METTL22: variants seen among roughly 807,000 people sequenced by gnomAD.
METTL22 encodes the protein methyltransferase-like protein 22.
A neutral mutation model predicts 48.4 loss-of-function variants in METTL22; 51 were observed. The ratio of observed to expected loss-of-function variants is 1.05; its 90% CI spans 0.84 to 1.33. The LOEUF (loss-of-function observed/expected upper bound fraction) is 1.33, where lower values mean the gene tolerates loss of function less well. Among genes scored for constraint, METTL22 ranks in the 40% most tolerant of loss-of-function variants. METTL22 has a pLI of 0.00. For missense variants in METTL22, 678 were observed against 526.9 expected (o/e 1.29, Z -2.81); for synonymous variants, 255 against 214.1 (o/e 1.19, Z -1.67).
intron 8 of METTL22, 37 bp from the exon 9 acceptor site, chr16:8,642,426 T>C: frequency 6.3e-7 from 1 of 1,585,132 alleles, no homozygotes; most frequent in African/African-American, 1.3e-5. Flanking sequence ...AATATTTGCG[T>C]GTTTTCCTCT....
In METTL22 at chr16:8,646,923, C is replaced by T. The variant is rs2141826162; in HGVS notation, c.*780C>T. 1 of 352,008 alleles carries T rather than the reference C, an allele frequency of 2.8e-6. No homozygotes were observed. The highest frequency in any genetic ancestry group is 3.8e-5 in the Admixed American group (1 of 26,228). The allele number at this position is 352,008 out of a possible 1,614,324, so 21.8% of individuals were successfully genotyped here. On this transcript the variant is annotated 3_prime_UTR_variant, in exon 11 of 11. Coordinates refer to ENST00000381920, the MANE Select transcript of METTL22 (RefSeq NM_024109.4). ...TCCATCTGTGCCTCTCTCCTCCCAT[C>T]TCCACCCCTTCCTGTCATCCTCTAT...
chr16:8,628,116 C>G (rs1445377161), intron 2 of METTL22, among the ~76,000 whole-genome samples: 1 of 152,190 alleles, frequency 6.6e-6, no homozygotes, highest in Non-Finnish European at 1.5e-5. Context: ...CTGTGTCACA[C>G]AGAATGCAGT....
chr16:8,661,180 G>T, the METTL22 span, among the ~76,000 whole-genome samples: 5 of 151,846 alleles, frequency 3.3e-5, no homozygotes, highest in Non-Finnish European at 7.4e-5. Flanking sequence ...GTGCCAGAAA[G>T]GAATCCAAGG....
intron 3 of METTL22, among the ~76,000 whole-genome samples, chr16:8,629,923 A>G (rs542403677): frequency 6.6e-6 from 1 of 152,170 alleles, no homozygotes; most frequent in Admixed American, 6.5e-5. Context: ...GGGTGCATGG[A>G]TGAGGAAGTG....
chr16:8,629,259 C>A, intron 3 of METTL22, 149 bp downstream of exon 3: 1 of 1,016,688 alleles, frequency 9.8e-7, no homozygotes, highest in Non-Finnish European at 1.4e-6. Context: ...GGAAGCTCTC[C>A]ACAACCCCGT....
intron 5 of METTL22, among the ~76,000 whole-genome samples, chr16:8,638,782 A>T (rs1048789490): frequency 1.3e-5 from 2 of 152,170 alleles, no homozygotes; most frequent in African/African-American, 4.8e-5. Context: ...GGCCATAAAC[A>T]TGAAAACGAT....
chr16:8,651,948 G>A (rs571181223), downstream of METTL22, among the ~76,000 whole-genome samples: 11 of 152,280 alleles, frequency 7.2e-5, no homozygotes, highest in African/African-American at 2.4e-4. Context: ...GTTGATAGGT[G>A]CAGCAAACCA....
Position 8,644,709 on chromosome 16 carries a change from A to G in METTL22, c.1163A>G (p.Glu388Gly), listed in dbSNP as rs753534229. The G allele has an allele frequency of 3.1e-6, 5 of 1,591,422 alleles. No individual in the cohort carries two copies. The highest frequency in any genetic ancestry group is 4.3e-6 in the Non-Finnish European group (5 of 1,168,056). The change falls in exon 10 of 11, where the codon GAG (glutamate) becomes GGG (glycine). Residue 388 changes from glutamate to glycine, a missense_variant. Transcript: ENST00000381920. ...EASFPQLLVY[E>G]RLQQLELWKI... is the part of the protein sequence containing the mutation. ...TCCTTCCCACAGCTCCTGGTTTACG[A>G]GCGCCTCCAGCAACTGGTAGGTCCA... is the stretch of plus-strand genomic sequence containing the variant.
At chr16:8,623,885 C>T (rs2055948062) in intron 1 of METTL22, 1 of 152,194 alleles carries the variant, frequency 6.6e-6, no homozygotes. Context: ...GATTTCATGA[C>T]ATCTACCCAG....
chr16:8,641,032 G>T, intron 6 of METTL22, 99 bp from the exon 7 acceptor site: 1 of 1,111,934 alleles, frequency 9.0e-7, no homozygotes, highest in Non-Finnish European at 1.3e-6. Context: ...AAGGGTGGGT[G>T]GGTGGATAGA....
chr16:8,663,225 A>AAAAAAAAAGT, the METTL22 span, among the ~76,000 whole-genome samples: 602 of 123,354 alleles, frequency 4.9e-3, 17 homozygotes, highest in East Asian at 0.032. Context: ...AAAAAAAAAA[A>AAAAAAAAAGT]GGTAGCCAAG....
chr16:8,641,990 T>G (rs1326743043), intron 7 of METTL22, 137 bp from the exon 8 acceptor site: 6 of 685,472 alleles, frequency 8.8e-6, no homozygotes, highest in Non-Finnish European at 1.3e-5. Flanking sequence ...GAGTCTGGTC[T>G]GCCTGGTGGT....
chr16:8,624,523 G>T (rs1282804975), intron 1 of METTL22, among the ~76,000 whole-genome samples: 1 of 152,022 alleles, frequency 6.6e-6, no homozygotes, highest in East Asian at 1.9e-4. Flanking sequence ...GGGACTACCA[G>T]CGCGCGCCAC....
At chr16:8,642,312 T>C (rs1048822763) in intron 8 of METTL22, 105 bp downstream of exon 8, 3 of 1,256,822 alleles carry the variant, frequency 2.4e-6, no homozygotes, top group Non-Finnish European at 3.5e-6. Context: ...AGTGACTTTC[T>C]GGTACATGCC....
chr16:8,644,129 T>C (rs2141811303), intron 9 of METTL22, among the ~76,000 whole-genome samples: 1 of 152,254 alleles, frequency 6.6e-6, no homozygotes, highest in South Asian at 2.1e-4. Context: ...TTCTCTCTGT[T>C]CTCTGTGCTC....
the METTL22 span, among the ~76,000 whole-genome samples, chr16:8,661,369 G>A: frequency 0.033 from 4,953 of 151,708 alleles, 264 homozygotes; most frequent in African/African-American, 0.11. Flanking sequence ...ACCGTTGGCC[G>A]GGCGCGGTGG....
chr16:8,626,876 C>T (rs1207362954), intron 2 of METTL22, among the ~76,000 whole-genome samples: 3 of 148,326 alleles, frequency 2.0e-5, no homozygotes, highest in Admixed American at 7.0e-5. Flanking sequence ...ACGCCATTCT[C>T]CTGCCTCAGC....
the METTL22 span, chr16:8,667,166 TGGGCTTGCTTTCTCAGTG>T: frequency 6.6e-6 from 1 of 152,146 alleles, no homozygotes; most frequent in Non-Finnish European, 1.5e-5. Context: ...AAAGGATGCC[TGGGCTTGCTTTCTCAGTG>T]GGGAAGAGTT....
intron 6 of METTL22, among the ~76,000 whole-genome samples, chr16:8,639,961 T>C (rs1731011): frequency 0.99 from 149,827 of 152,000 alleles, 73,889 homozygotes; most frequent in Middle Eastern, 1. Flanking sequence ...CTCTTCCCTC[T>C]GCCTGAGTGC....
Sources: gnomAD v4.1 joint callset for allele counts (sites outside exome capture counted in the v4.1 genomes callset) on GRCh38, gnomAD v4.1.1 for gene constraint, MANE v1.5 for transcripts, NCBI Gene and HGNC (gene_info 2026-07-23, HGNC 2026-07-21) for gene names.